The following DACH1 variants were observed in gnomAD, a reference collection of about 807,000 sequenced individuals.
The protein encoded by DACH1 is dachshund homolog 1.
In DACH1, 12 loss-of-function variants were observed where a neutral mutation model predicts 54.2. The ratio of observed to expected loss-of-function variants is 0.22; its 90% CI spans 0.14 to 0.36. The LOEUF is 0.36. Among genes scored for constraint, DACH1 ranks in the 10% least tolerant of loss-of-function variants. The pLI is 1.00. For missense variants in DACH1, 805 were observed against 929.8 expected (o/e 0.87, Z 1.75); for synonymous variants, 386 against 366.2 (o/e 1.05, Z -0.62).
chr13:71,551,489 T>C (rs1286194999), intron 6 of DACH1, among the ~76,000 whole-genome samples: 2 of 152,096 alleles, frequency 1.3e-5, no homozygotes, highest in African/African-American at 4.8e-5. Context: ...AAACCAGCAA[T>C]CTAACTACCT....
intron 2 of DACH1, among the ~76,000 whole-genome samples, chr13:71,669,642 C>A (rs1278321842): frequency 1.3e-5 from 2 of 152,176 alleles, no homozygotes; most frequent in Non-Finnish European, 1.5e-5. Context: ...GGGACTGCTG[C>A]ATTCGCTTAC....
intron 1 of DACH1, among the ~76,000 whole-genome samples, chr13:71,685,847 G>A (rs1594096100): frequency 6.6e-6 from 1 of 152,148 alleles, no homozygotes; most frequent in East Asian, 1.9e-4. Context: ...ACTTGACCAA[G>A]CTACCTAACT....
chr13:71,485,530 CT>C (rs1019925896), intron 7 of DACH1, among the ~76,000 whole-genome samples: 8 of 88,128 alleles, frequency 9.1e-5, no homozygotes, highest in South Asian at 7.3e-4. Flanking sequence ...TTTTACAGGT[CT>C]TTTTTTTTCT....
chr13:71,496,578 A>G (rs1022177207), intron 6 of DACH1, among the ~76,000 whole-genome samples: 15 of 151,632 alleles, frequency 9.9e-5, no homozygotes, highest in African/African-American at 7.3e-5. Flanking sequence ...GGAATGGGGG[A>G]GGTTCATGAT....
chr13:71,769,381 A>T, intron 1 of DACH1, among the ~76,000 whole-genome samples: 1 of 151,736 alleles, frequency 6.6e-6, no homozygotes, highest in East Asian at 1.9e-4. Context: ...TCTCTAAAAT[A>T]GTAGTTTTCA....
rs144478240 is a variant in DACH1 at position 71,457,236 on chromosome 13, C to T, written c.2084-16544G>A. Among the ~76,000 whole-genome samples the T allele has an allele frequency of 1.3e-3, 196 of 152,000 alleles. 2 individuals carry two copies. The East Asian group carries it at 0.03, about 24-fold the overall frequency. On this transcript the variant is annotated intron_variant, in intron 10 of 10. Coordinates refer to ENST00000613252, the MANE Select transcript of DACH1 (RefSeq NM_080759.6). ...ACTCTATTCAATGTAAGTTTGATTA[C>T]TTGAAAGGACTGGTATCCAACATAT...
At chr13:71,526,706 GTA>G (rs36030987) in intron 6 of DACH1, among the ~76,000 whole-genome samples, 417 of 143,920 alleles carry the variant, frequency 2.9e-3, no homozygotes, top group Non-Finnish European at 2.9e-3. Flanking sequence ...ATGTGTGTGT[GTA>G]TATATATATA....
intron 1 of DACH1, among the ~76,000 whole-genome samples, chr13:71,829,530 A>G (rs1228732428): frequency 6.6e-6 from 1 of 151,946 alleles, no homozygotes; most frequent in Non-Finnish European, 1.5e-5. Flanking sequence ...TTCCTCCTCA[A>G]ACCTAGGCTT....
intron 2 of DACH1, among the ~76,000 whole-genome samples, chr13:71,680,334 G>T (rs1173972929): frequency 6.6e-6 from 1 of 152,124 alleles, no homozygotes; most frequent in African/African-American, 2.4e-5. Context: ...GGGTATGGTG[G>T]CTCATGCCCG....
chr13:71,798,434 C>G (rs530039714), intron 1 of DACH1, among the ~76,000 whole-genome samples: 2 of 149,392 alleles, frequency 1.3e-5, no homozygotes, highest in Non-Finnish European at 3.0e-5. Flanking sequence ...TGCATTCATA[C>G]ACCCAAACAA....
At position 71,562,893 on chromosome 13, in the gene DACH1, G is replaced by A. The variant is rs1369965783; in HGVS notation, c.1300-2938C>T. Among the ~76,000 whole-genome samples the A allele has an allele frequency of 2.0e-5, 3 of 152,046 alleles. No homozygotes were observed. In the South Asian group the frequency reaches 6.2e-4, roughly 31 times the overall value. ...CACCATAATTCAAAAGTTTAGTTGT[G>A]TATGGTTTTGGAGTATTTGCGCACT... On this transcript the variant is annotated intron_variant, in intron 4 of 10. Coordinates refer to ENST00000613252, the MANE Select transcript of DACH1 (RefSeq NM_080759.6).
chr13:71,460,223 G>A (rs1041154146), intron 10 of DACH1, among the ~76,000 whole-genome samples: 1 of 152,012 alleles, frequency 6.6e-6, no homozygotes, highest in Non-Finnish European at 1.5e-5. Flanking sequence ...CAAAAATCTA[G>A]TTATACTGAA....
Position 71,693,296 on chromosome 13 carries a change from C to CTTTTT in DACH1, c.849-11391_849-11387dup, listed in dbSNP as rs869289138. On this transcript the variant is annotated intron_variant, in intron 1 of 10. Transcript: ENST00000613252. Reference sequence around the variant, plus strand: ...AATACCCTCTTATCCATTTGTTTTGCTTTTTTTTTTTTTTTTTTTTTTTGA... The same window carrying CTTTTT: ...AATACCCTCTTATCCATTTGTTTTGCTTTTTTTTTTTTTTTTTTTTTTTTTTTTGA... Among the ~76,000 whole-genome samples the CTTTTT allele has an allele frequency of 9.7e-4, 88 of 90,936 alleles. 8 individuals are homozygous for CTTTTT. Among genetic ancestry groups the CTTTTT allele is most frequent in the African/African-American group, 2.8e-3 (55 of 19,404 alleles). The allele number at this position is 90,936 out of a possible 152,430, so 59.7% of individuals were successfully genotyped here.
chr13:71,826,372 A>G (rs1280050628), intron 1 of DACH1, among the ~76,000 whole-genome samples: 1 of 152,096 alleles, frequency 6.6e-6, no homozygotes, highest in Non-Finnish European at 1.5e-5. Context: ...CCAGTACTCT[A>G]CCTCAAAATG....
At chr13:71,607,516 T>C (rs1161822046) in intron 3 of DACH1, among the ~76,000 whole-genome samples, 1 of 152,066 alleles carries the variant, frequency 6.6e-6, no homozygotes. Flanking sequence ...GGCATGACTT[T>C]CAAAGCCAAG....
intron 4 of DACH1, among the ~76,000 whole-genome samples, chr13:71,569,367 A>G (rs1015959034): frequency 6.6e-6 from 1 of 152,158 alleles, no homozygotes; most frequent in African/African-American, 2.4e-5. Flanking sequence ...AGCCATAGAC[A>G]TTACATAAAT....
chr13:71,612,638 G>C (rs2138519752), intron 3 of DACH1, among the ~76,000 whole-genome samples: 1 of 152,256 alleles, frequency 6.6e-6, no homozygotes. Context: ...CATCTGTAAA[G>C]TGGAAATGCC....
intron 1 of DACH1, among the ~76,000 whole-genome samples, chr13:71,839,884 A>C (rs1253881543): frequency 6.6e-6 from 1 of 151,918 alleles, no homozygotes; most frequent in Admixed American, 6.6e-5. Context: ...AAGTCTTTCC[A>C]TTTTAGTTTA....
intron 1 of DACH1, among the ~76,000 whole-genome samples, chr13:71,787,567 T>C (rs1054666713): frequency 2.6e-5 from 4 of 152,182 alleles, no homozygotes; most frequent in Admixed American, 6.6e-5. Flanking sequence ...TGGAGAGATG[T>C]AGCCTCGCTT....
Sources: allele counts gnomAD v4.1 joint callset (sites outside exome capture counted in the v4.1 genomes callset), GRCh38; gene constraint gnomAD v4.1.1; transcripts MANE v1.5; gene names NCBI Gene and HGNC (gene_info 2026-07-23, HGNC 2026-07-21).